MORN5: variants seen among roughly 807,000 people sequenced by gnomAD.
The protein encoded by MORN5 is MORN repeat-containing protein 5.
In MORN5, 21 loss-of-function variants were observed where a neutral mutation model predicts 22.1. The observed-to-expected ratio is 0.95, with a 90% CI of 0.67 to 1.37. MORN5 has a LOEUF of 1.37. Among genes scored for constraint, MORN5 ranks in the 40% most tolerant of loss-of-function variants. The probability of loss-of-function intolerance (pLI) is 0.00; values close to 1 mark genes in which losing one functional copy is unlikely to be tolerated. For synonymous variants in MORN5, 73 were observed against 74.0 expected, an observed-to-expected ratio of 0.99 and a Z score of 0.07; for missense variants, 211 against 215.1, an observed-to-expected ratio of 0.98 and a Z score of 0.12.
At chr9:122,163,832 G>A (rs926703165) in intron 1 of MORN5, among the ~76,000 whole-genome samples, 2 of 152,212 alleles carry the variant, frequency 1.3e-5, no homozygotes, top group Non-Finnish European at 2.9e-5. Context: ...GCATATGTGT[G>A]GTAGAGACTC....
At chr9:122,192,997 A>G (rs531140357) in intron 4 of MORN5, among the ~76,000 whole-genome samples, 1 of 151,116 alleles carries the variant, frequency 6.6e-6, no homozygotes, top group Non-Finnish European at 1.5e-5. Flanking sequence ...CTGACCATCA[A>G]AAGTAAATGG....
At chr9:122,176,032 G>C (rs1314880915) in intron 4 of MORN5, among the ~76,000 whole-genome samples, 13 of 151,700 alleles carry the variant, frequency 8.6e-5, no homozygotes, top group Non-Finnish European at 1.6e-4. Context: ...ACAGGAGAAT[G>C]GCGTGAACCC....
intron 4 of MORN5, among the ~76,000 whole-genome samples, chr9:122,181,040 A>G (rs1023253654): frequency 5.3e-5 from 8 of 152,376 alleles, no homozygotes; most frequent in African/African-American, 1.9e-4. Context: ...CACATGATAG[A>G]CAACTTATGA....
intron 3 of MORN5, among the ~76,000 whole-genome samples, chr9:122,173,752 C>T (rs1162344413): frequency 2.6e-5 from 4 of 152,192 alleles, no homozygotes; most frequent in African/African-American, 9.7e-5. Flanking sequence ...CCTGTGGCTG[C>T]ACCTAGGCTG....
At chr9:122,174,229 T>A (rs971821968) in intron 3 of MORN5, among the ~76,000 whole-genome samples, 2 of 152,170 alleles carry the variant, frequency 1.3e-5, no homozygotes, top group Admixed American at 1.3e-4. Flanking sequence ...TGTCATGGTA[T>A]CCGAAGAAAT....
At chr9:122,198,347 C>A (rs1829940845) in intron 4 of MORN5, among the ~76,000 whole-genome samples, 1 of 152,160 alleles carries the variant, frequency 6.6e-6, no homozygotes, top group Non-Finnish European at 1.5e-5. Flanking sequence ...GCCCTTGTTC[C>A]CAAGCATCTG....
At chr9:122,198,779 G>C (rs371559118) in intron 4 of MORN5, among the ~76,000 whole-genome samples, 1 of 152,164 alleles carries the variant, frequency 6.6e-6, no homozygotes, top group Non-Finnish European at 1.5e-5. Flanking sequence ...AAAATGTGAC[G>C]GAAGCCAAGC....
At chr9:122,166,150 G>A (rs1271580050) in intron 1 of MORN5, among the ~76,000 whole-genome samples, 1 of 152,024 alleles carries the variant, frequency 6.6e-6, no homozygotes, top group Non-Finnish European at 1.5e-5. Flanking sequence ...AGAACAGCAT[G>A]GGAAAAACCC....
At chr9:122,170,314 A>T (rs1054251709) in intron 3 of MORN5, among the ~76,000 whole-genome samples, 2 of 151,584 alleles carry the variant, frequency 1.3e-5, no homozygotes, top group African/African-American at 4.9e-5. Flanking sequence ...AAAAAAAAAA[A>T]ATCAAAATGG....
intron 1 of MORN5, among the ~76,000 whole-genome samples, chr9:122,165,409 A>AAAT (rs1463595073): frequency 1.3e-5 from 2 of 151,312 alleles, no homozygotes; most frequent in African/African-American, 4.9e-5. Context: ...AAAAAAAAAA[A>AAAT]AAAAAAAAAA....
At chr9:122,196,335 A>ATTT (rs35655121) in intron 4 of MORN5, among the ~76,000 whole-genome samples, 2 of 136,410 alleles carry the variant, frequency 1.5e-5, no homozygotes, top group Non-Finnish European at 3.1e-5. Flanking sequence ...AAAGCCAATA[A>ATTT]TTTTTTTTTT....
chr9:122,174,741 A>G (rs763323725), intron 4 of MORN5, 114 bp downstream of exon 4: 1 of 1,598,390 alleles, frequency 6.3e-7, no homozygotes, highest in Admixed American at 1.7e-5. Context: ...TTGCTGATAG[A>G]AGATGAAAGT....
chr9:122,177,219 G>A (rs909359435), intron 4 of MORN5, among the ~76,000 whole-genome samples: 2 of 152,228 alleles, frequency 1.3e-5, no homozygotes, highest in Non-Finnish European at 2.9e-5. Context: ...CTGATTCTAG[G>A]AGTGTGGAAA....
chr9:122,189,603 A>T (rs937258860), intron 4 of MORN5, among the ~76,000 whole-genome samples: 17 of 151,498 alleles, frequency 1.1e-4, no homozygotes, highest in Non-Finnish European at 2.1e-4. Context: ...GTCTATAAAA[A>T]TTTTTTTTCT....
At chr9:122,167,055 AC>A in intron 2 of MORN5, 140 bp downstream of exon 2, 3 of 559,686 alleles carry the variant, frequency 5.4e-6, no homozygotes, top group Non-Finnish European at 7.8e-6. Context: ...CACTCCCCCC[AC>A]TTTTTTTTTT....
intron 1 of MORN5, among the ~76,000 whole-genome samples, chr9:122,160,783 T>G (rs1318838982): frequency 6.6e-6 from 1 of 151,906 alleles, no homozygotes; most frequent in Non-Finnish European, 1.5e-5. Flanking sequence ...CCCAGCAAAT[T>G]TTTCAACGCC....
chr9:122,185,345 C>T (rs367762200), intron 4 of MORN5, among the ~76,000 whole-genome samples: 27 of 152,194 alleles, frequency 1.8e-4, no homozygotes, highest in African/African-American at 6.3e-4. Flanking sequence ...GCCTCAGCCT[C>T]CCGAGTAGCT....
intron 4 of MORN5, among the ~76,000 whole-genome samples, chr9:122,189,852 T>C (rs1283839892): frequency 2.0e-5 from 3 of 152,126 alleles, no homozygotes; most frequent in Non-Finnish European, 4.4e-5. Flanking sequence ...GTGATCTGCC[T>C]GCCTCGGCCT....
At chr9:122,180,375 TC>T (rs1296137530) in intron 4 of MORN5, among the ~76,000 whole-genome samples, 1 of 140,952 alleles carries the variant, frequency 7.1e-6, no homozygotes, top group African/African-American at 2.6e-5. Flanking sequence ...AACCTCTGCC[TC>T]CCAGGTTCAA....
Sources: gnomAD v4.1 joint callset for allele counts (sites outside exome capture counted in the v4.1 genomes callset) on GRCh38, gnomAD v4.1.1 for gene constraint, MANE v1.5 for transcripts, NCBI Gene and HGNC (gene_info 2026-07-23, HGNC 2026-07-21) for gene names.